KIAA1217: variants seen among roughly 807,000 people sequenced by gnomAD.
KIAA1217 encodes the protein KIAA1217, also known as sickle tail protein homolog.
KIAA1217 carries 88 observed loss-of-function variants against 163.9 expected under a neutral mutation model. The ratio of observed to expected loss-of-function variants is 0.54; its 90% CI spans 0.45 to 0.64. The LOEUF (loss-of-function observed/expected upper bound fraction) is 0.64, where lower values mean the gene tolerates loss of function less well. KIAA1217 is among the 30% of genes least tolerant of loss of function. KIAA1217 has a pLI of 0.00. For synonymous variants in KIAA1217, 903 were observed against 923.1 expected (o/e 0.98, Z 0.39); for missense variants, 2,372 against 2,475.0 (o/e 0.96, Z 0.88).
chr10:23,709,088 A>T (rs1442608459), intron 1 of KIAA1217, among the ~76,000 whole-genome samples: 2 of 152,058 alleles, frequency 1.3e-5, no homozygotes, highest in Non-Finnish European at 2.9e-5. Context: ...AAAAGTATAA[A>T]GTTTTCTGTT....
chr10:23,748,745 G>A (rs938034014), intron 1 of KIAA1217, among the ~76,000 whole-genome samples: 7 of 151,888 alleles, frequency 4.6e-5, no homozygotes, highest in Admixed American at 3.3e-4. Flanking sequence ...TCTTATCCAC[G>A]GTCCTGTGAG....
intron 1 of KIAA1217, among the ~76,000 whole-genome samples, chr10:23,784,574 T>C (rs1454105958): frequency 6.6e-6 from 1 of 152,192 alleles, no homozygotes; most frequent in Non-Finnish European, 1.5e-5. Context: ...TGGATGATTT[T>C]CTATAGTAGA....
chr10:24,473,716 T>A lies in KIAA1217; in HGVS notation c.1335T>A (p.His445Gln), dbSNP rs755589611. 6.2e-7 allele frequency: 1 copy of A among 1,613,798 alleles called. No individual in the cohort carries two copies. The highest frequency in any genetic ancestry group is 1.3e-5 in the African/African-American group (1 of 74,850). ...ACCCCTCAATGCAAGCGGAAATGCA[T>A]ATGGAACAATCACTGTACAGACAGA... ...YCNPSMQAEM[H>Q]MEQSLYRQKS... is the part of the protein sequence containing the mutation. Residue 445 changes from histidine (H) to glutamine (Q), a missense_variant, in exon 6 of 21, where the codon CAT (histidine) becomes CAA (glutamine). Physicochemically the swap from His to Gln is conservative, Grantham distance 24. Coordinates refer to ENST00000376454, the MANE Select transcript of KIAA1217 (RefSeq NM_019590.5).
At chr10:23,803,280 G>A (rs1836562521) in intron 1 of KIAA1217, among the ~76,000 whole-genome samples, 6 of 152,208 alleles carry the variant, frequency 3.9e-5, no homozygotes. Context: ...TCAGTCCTGA[G>A]GAACATATTT....
intron 1 of KIAA1217, among the ~76,000 whole-genome samples, chr10:23,788,428 C>G (rs561717819): frequency 6.6e-6 from 1 of 152,264 alleles, no homozygotes; most frequent in African/African-American, 2.4e-5. Context: ...AGCTAGAGCT[C>G]AAGGTTTTTA....
At chr10:24,373,885 G>A (rs552922217) in intron 2 of KIAA1217, among the ~76,000 whole-genome samples, 1 of 152,268 alleles carries the variant, frequency 6.6e-6, no homozygotes, top group South Asian at 2.1e-4. Flanking sequence ...GGGTATCACT[G>A]CCCTTTCATC....
intron 2 of KIAA1217, among the ~76,000 whole-genome samples, chr10:24,222,526 G>A (rs1363553179): frequency 3.3e-5 from 5 of 151,978 alleles, no homozygotes; most frequent in East Asian, 1.9e-4. Flanking sequence ...ATGGAGTCTC[G>A]CTCTGTTGCC....
intron 1 of KIAA1217, among the ~76,000 whole-genome samples, chr10:23,754,162 G>C (rs560545206): frequency 4.3e-4 from 65 of 152,254 alleles, no homozygotes; most frequent in Admixed American, 7.2e-4. Flanking sequence ...TGACATTTAA[G>C]AGACACTCAA....
At chr10:23,702,669 AC>A (rs1836539841) in intron 1 of KIAA1217, among the ~76,000 whole-genome samples, 1 of 102,768 alleles carries the variant, frequency 9.7e-6, no homozygotes, top group African/African-American at 5.4e-5. Flanking sequence ...AGGAGAATAC[AC>A]ACACACACAC....
chr10:24,140,253 A>G (rs1460113381), intron 2 of KIAA1217, among the ~76,000 whole-genome samples: 2 of 151,728 alleles, frequency 1.3e-5, no homozygotes, highest in South Asian at 4.2e-4. Context: ...CCAGCTACTC[A>G]GGAGGCTGAG....
At chr10:24,229,147 A>G (rs1292988376) in intron 2 of KIAA1217, among the ~76,000 whole-genome samples, 1 of 152,172 alleles carries the variant, frequency 6.6e-6, no homozygotes, top group African/African-American at 2.4e-5. Context: ...ACATGCATCT[A>G]TATTTATGAA....
At chr10:24,495,921 G>A (rs911598706) in intron 8 of KIAA1217, among the ~76,000 whole-genome samples, 1 of 152,236 alleles carries the variant, frequency 6.6e-6, no homozygotes, top group Non-Finnish European at 1.5e-5. Context: ...AGTTCTGTTA[G>A]TAGTGGCGTT....
At chr10:23,871,705 A>T (rs1258846375) in intron 1 of KIAA1217, among the ~76,000 whole-genome samples, 1 of 152,060 alleles carries the variant, frequency 6.6e-6, no homozygotes, top group Non-Finnish European at 1.5e-5. Flanking sequence ...TTTGAACGAA[A>T]CATTGATTCC....
At chr10:24,521,710 A>G (rs1280526459) in intron 11 of KIAA1217, 72 bp from the exon 12 acceptor site, 3 of 1,541,818 alleles carry the variant, frequency 1.9e-6, no homozygotes, top group South Asian at 1.2e-5. Flanking sequence ...TCTGTCCAGT[A>G]TCGGAGTGCG....
intron 1 of KIAA1217, among the ~76,000 whole-genome samples, chr10:23,825,683 A>C (rs1588895762): frequency 6.6e-6 from 1 of 152,358 alleles, no homozygotes; most frequent in East Asian, 1.9e-4. Context: ...TATATGCGTT[A>C]TTCTGGATTG....
rs16924764 is a variant in KIAA1217 at position 24,437,550 on chromosome 10, C to G, written c.753-836C>G. ...GCATTGGAAGGGATCACAGTGTAGACAGAGCCAAAAGGGCCTTGGGTGGCC... is the reference window on the plus strand; with the variant it reads ...GCATTGGAAGGGATCACAGTGTAGAGAGAGCCAAAAGGGCCTTGGGTGGCC... On this transcript the variant is annotated intron_variant, in intron 4 of 20. Coordinates refer to ENST00000376454, the MANE Select transcript of KIAA1217 (RefSeq NM_019590.5). Among the ~76,000 whole-genome samples, 384 of 152,302 alleles carry G rather than the reference C, an allele frequency of 2.5e-3. 10 individuals carry two copies. In the South Asian group the frequency reaches 0.046, roughly 18 times the overall value.
At chr10:23,814,130 G>C (rs1380648185) in intron 1 of KIAA1217, among the ~76,000 whole-genome samples, 2 of 152,130 alleles carry the variant, frequency 1.3e-5, no homozygotes, top group Non-Finnish European at 2.9e-5. Context: ...AATTATCTCT[G>C]AGAGAGATGG....
intron 1 of KIAA1217, among the ~76,000 whole-genome samples, chr10:23,822,393 A>G (rs1837662647): frequency 1.3e-5 from 2 of 152,238 alleles, no homozygotes; most frequent in South Asian, 4.1e-4. Context: ...ATTTTAATAA[A>G]TTATCTTGAA....
intron 1 of KIAA1217, among the ~76,000 whole-genome samples, chr10:23,737,323 T>A (rs897724040): frequency 6.6e-6 from 1 of 152,076 alleles, no homozygotes; most frequent in Non-Finnish European, 1.5e-5. Context: ...CTCAGCCTCC[T>A]GAGTAGCTGG....
Sources: allele counts gnomAD v4.1 joint callset (sites outside exome capture counted in the v4.1 genomes callset), GRCh38; gene constraint gnomAD v4.1.1; transcripts MANE v1.5; gene names NCBI Gene and HGNC (gene_info 2026-07-23, HGNC 2026-07-21).